Variants in NUBP2 observed in about 807,000 individuals in gnomAD.
NUBP2 encodes NUBP iron-sulfur cluster assembly factor 2, cytosolic.
A neutral mutation model predicts 24.9 loss-of-function variants in NUBP2; 23 were observed. That is an observed-to-expected ratio of 0.92 (90% CI 0.66 to 1.31). The LOEUF is 1.31. Among genes scored for constraint, NUBP2 ranks in the 50% most tolerant of loss-of-function variants. The pLI, the probability that NUBP2 is intolerant of heterozygous loss-of-function variation, is 0.00. For missense variants in NUBP2, 403 were observed against 386.5 expected, an observed-to-expected ratio of 1.04 and a Z score of -0.36; for synonymous variants, 186 against 170.9, an observed-to-expected ratio of 1.09 and a Z score of -0.69.
chr16:1,783,188 C>T (rs1031600250), intron 1 of NUBP2, 152 bp downstream of exon 1: 2 of 1,176,686 alleles, frequency 1.7e-6, no homozygotes, highest in Non-Finnish European at 1.0e-6. Flanking sequence ...GCGGCGCGGG[C>T]ATTTTCTAAA....
Position 1,788,162 on chromosome 16 carries a change from G to A in NUBP2, c.625G>A (p.Gly209Ser). The A allele has an allele frequency of 6.5e-7, 1 of 1,539,400 alleles. No individual in the cohort carries two copies. The highest frequency in any genetic ancestry group is 8.7e-7 in the Non-Finnish European group (1 of 1,147,136). The change falls in exon 6 of 7, where the codon GGC becomes AGC. Residue 209 changes from glycine (G) to serine (S), a missense_variant. Transcript: ENST00000262302. ...CTECTSVFSR[G>S]GGEELAQLAG... The stretch of plus-strand genomic sequence containing the variant: ...GGAGTGCACCAGCGTCTTCTCCAGG[G>A]GCGGCGGAGAGGAGCTGGCCCAGCT...
intron 3 of NUBP2, chr16:1,787,297 G>A (rs931729402): frequency 2.4e-6 from 1 of 410,442 alleles, no homozygotes; most frequent in Non-Finnish European, 4.4e-6. Context: ...CAAAGGCAGG[G>A]AGAGGCTGGT....
chr16:1,786,665 C>G lies in NUBP2; in HGVS notation c.135+10C>G, dbSNP rs374591901. 78 of 1,612,288 alleles carry G rather than the reference C, an allele frequency of 4.8e-5. No homozygotes were observed. Among genetic ancestry groups the G allele is most frequent in the Non-Finnish European group, 6.0e-5 (71 of 1,179,656 alleles). ...CCATGCAGGCAAGAAGGTGAGCGCC[C>G]TACCCCTCACTGGGCGGAGCCCCGG... is the stretch of plus-strand genomic sequence containing the variant. On this transcript the variant is annotated intron_variant, in intron 2 of 6. Transcript: ENST00000262302.
In NUBP2 at chr16:1,788,918, G is replaced by C. The variant is rs1308837051; in HGVS notation, c.*204G>C. 1 of 629,456 alleles carries C rather than the reference G, an allele frequency of 1.6e-6. No individual in the cohort carries two copies. Among genetic ancestry groups the C allele is most frequent in the East Asian group, 3.0e-5 (1 of 33,580 alleles). 39.0% of individuals were successfully genotyped at this position (629,456 alleles called of 1,614,324 possible). A position where few individuals can be genotyped will look rare whatever the true frequency, so the allele number is the denominator to read the frequency against. ...TGGTTGGCCTGCAGTGCCGTGGTCT[G>C]CGTGCTCTGCAGCTGTGAGACGGGG... is the stretch of plus-strand genomic sequence containing the variant. On this transcript the variant is annotated 3_prime_UTR_variant, in exon 7 of 7. Coordinates refer to ENST00000262302, the MANE Select transcript of NUBP2 (RefSeq NM_012225.4).
intron 1 of NUBP2, 136 bp from the exon 2 acceptor site, chr16:1,786,401 C>A: frequency 1.3e-6 from 1 of 787,152 alleles, no homozygotes; most frequent in Non-Finnish European, 2.1e-6. Context: ...CGAAGTGGGG[C>A]ACGGGCTGCC....
At position 1,788,596 on chromosome 16, in the gene NUBP2, T is replaced by C. The variant is rs369028317; in HGVS notation, c.698T>C (p.Met233Thr). ...TCCGTGCCCCTGGACCCTGCGCTCA[T>C]GAGGACCCTGGAGGAGGGCCACGAC... ...LGSVPLDPAL[M>T]RTLEEGHDFI... The change falls in exon 7 of 7, where the codon ATG becomes ACG. Residue 233 changes from methionine (M) to threonine (T), a missense_variant. Met to Thr is a moderately conservative substitution (Grantham distance 81). Transcript: ENST00000262302. 7.5e-6 allele frequency: 12 copies of C among 1,609,192 alleles called. No individual in the cohort carries two copies. The African/African-American group carries it at 1.5e-4, about 20-fold the overall frequency.
At chr16:1,784,235 A>T (rs2141998640) in intron 1 of NUBP2, among the ~76,000 whole-genome samples, 1 of 151,924 alleles carries the variant, frequency 6.6e-6, no homozygotes, top group East Asian at 1.9e-4. Flanking sequence ...GGACCACAGG[A>T]TGCACCACCC....
Position 1,786,588 on chromosome 16 carries a change from A to G in NUBP2, c.68A>G (p.Lys23Arg). 2 of 1,612,050 alleles carry G rather than the reference A, an allele frequency of 1.2e-6. No individual in the cohort carries two copies. The highest frequency in any genetic ancestry group is 1.1e-5 in the South Asian group (1 of 91,030). The change falls in exon 2 of 7, where the codon AAG becomes AGG. Residue 23 changes from lysine to arginine, a missense_variant. Coordinates refer to ENST00000262302, the MANE Select transcript of NUBP2 (RefSeq NM_012225.4). The part of the protein sequence containing the change: ...VRHIILVLSG[K>R]GGVGKSTIST... Reference sequence around the variant, plus strand: ...CACATCATCCTGGTCCTCTCAGGAAAGGGGGGCGTTGGGAAAAGCACCATC... The same window carrying G: ...CACATCATCCTGGTCCTCTCAGGAAGGGGGGGCGTTGGGAAAAGCACCATC...
Position 1,787,786 on chromosome 16 carries a change from G to C in NUBP2, c.444G>C (p.Leu148=). ...AGCACATGGCCACCATAGAAGCCCT[G>C]CGTCCCTACCAGCCCCTGGGGGCCC... is the stretch of plus-strand genomic sequence containing the variant. ...SDEHMATIEA[L]RPYQPLGALV... The change falls in exon 4 of 7, where the codon CTG becomes CTC. Residue 148 remains leucine, a synonymous_variant. Coordinates refer to ENST00000262302, the MANE Select transcript of NUBP2 (RefSeq NM_012225.4). 6.2e-7 allele frequency: 1 copy of C among 1,612,388 alleles called. No homozygotes were observed. The highest frequency in any genetic ancestry group is 8.5e-7 in the Non-Finnish European group (1 of 1,179,902).
In NUBP2 at chr16:1,788,856, G is replaced by C. The variant is rs1043216946; in HGVS notation, c.*142G>C. ...CAGCCGGAGAGCTTCTCCCCGACCA[G>C]CCCAGCCCCAGGATGTGTCGCACCA... is the stretch of plus-strand genomic sequence containing the variant. On this transcript the variant is annotated 3_prime_UTR_variant, in exon 7 of 7. Transcript: ENST00000262302. 25 of 1,095,534 alleles carry C rather than the reference G, an allele frequency of 2.3e-5. No individual in the cohort carries two copies. The highest frequency in any genetic ancestry group is 6.0e-5 in the Admixed American group (2 of 33,530). The allele number at this position is 1,095,534 out of a possible 1,614,324, so 67.9% of individuals were successfully genotyped here. A position where few individuals can be genotyped will look rare whatever the true frequency, so the allele number is the denominator to read the frequency against.
chr16:1,784,409 T>G (rs1896864699), intron 1 of NUBP2: 1 of 151,062 alleles, frequency 6.6e-6, no homozygotes, highest in Non-Finnish European at 1.5e-5. Flanking sequence ...GTTTTTTTGT[T>G]GGGGGGAGAC....
At chr16:1,786,214 G>A (rs1896957975) in intron 1 of NUBP2, 1 of 388,538 alleles carries the variant, frequency 2.6e-6, no homozygotes, top group Non-Finnish European at 4.8e-6. Context: ...TGACCCACGT[G>A]TGTGTTTGCA....
chr16:1,783,641 T>C (rs1162153913), intron 1 of NUBP2: 1 of 312,516 alleles, frequency 3.2e-6, no homozygotes, highest in African/African-American at 2.3e-5. Flanking sequence ...AGGAAAACAT[T>C]CCTCGGACAG....
At chr16:1,783,356 C>A (rs1043776393) in intron 1 of NUBP2, 2 of 1,095,432 alleles carry the variant, frequency 1.8e-6, no homozygotes, top group Non-Finnish European at 2.2e-6. Context: ...TCCTGGAGGT[C>A]GCGGTTGCAA....
chr16:1,786,977 C>T (rs375996110), intron 3 of NUBP2, 22 bp downstream of exon 3: 11 of 1,503,582 alleles, frequency 7.3e-6, no homozygotes, highest in African/African-American at 2.8e-5. Context: ...GCGGCGCGTC[C>T]GCCGTCCTGG....
At chr16:1,783,395 C>A (rs1451351595) in intron 1 of NUBP2, 10 of 1,056,308 alleles carry the variant, frequency 9.5e-6, no homozygotes, top group African/African-American at 1.7e-5. Flanking sequence ...AAGAGCGAGA[C>A]CCTGTCTCTA....
chr16:1,783,104 G>T (rs1048025762), intron 1 of NUBP2, 68 bp downstream of exon 1: 5 of 1,222,070 alleles, frequency 4.1e-6, no homozygotes, highest in South Asian at 3.9e-5. Context: ...GTCCCTTCCC[G>T]GGGCGGCCTC....
chr16:1,785,025 C>T (rs766027328), intron 1 of NUBP2: 101 of 943,016 alleles, frequency 1.1e-4, no homozygotes, highest in Non-Finnish European at 1.3e-4. Context: ...GTACTCCAGC[C>T]TGGGCGACAG....
rs764960892 is a variant in NUBP2 at position 1,786,889 on chromosome 16, A to G, written c.268A>G (p.Met90Val). 4.5e-6 allele frequency: 7 copies of G among 1,565,396 alleles called. No homozygotes were observed. The highest frequency in any genetic ancestry group is 6.1e-6 in the Non-Finnish European group (7 of 1,149,932). ...GGACCGGGAGCAGAGCATCTCGCTC[A>G]TGTCTGTGGGCTTCCTGCTGGAGAA... is the stretch of plus-strand genomic sequence containing the variant. The part of the protein sequence containing the change: ...FLDREQSISL[M>V]SVGFLLEKPD... The change falls in exon 3 of 7, where the codon ATG becomes GTG. Residue 90 changes from methionine to valine, a missense_variant. Coordinates refer to ENST00000262302, the MANE Select transcript of NUBP2 (RefSeq NM_012225.4).
Sources: allele counts gnomAD v4.1 joint callset (sites outside exome capture counted in the v4.1 genomes callset), GRCh38; gene constraint gnomAD v4.1.1; transcripts MANE v1.5; gene names NCBI Gene and HGNC (gene_info 2026-07-23, HGNC 2026-07-21).